The following GPR15 variants were observed in gnomAD, a reference collection of about 807,000 sequenced individuals.
GPR15 encodes the protein brother of Bonzo.
In GPR15, 16 loss-of-function variants were observed where a neutral mutation model predicts 19.3. The ratio of observed to expected loss-of-function variants is 0.83; its 90% confidence interval spans 0.56 to 1.26. The LOEUF (loss-of-function observed/expected upper bound fraction) is 1.26, where lower values mean the gene tolerates loss of function less well. GPR15 is among the 50% of genes most tolerant of loss of function. The pLI is 0.00. For missense variants in GPR15, 458 were observed against 429.4 expected, an observed-to-expected ratio of 1.07 and a Z score of -0.59; for synonymous variants, 170 against 171.2, an observed-to-expected ratio of 0.99 and a Z score of 0.05.
At position 98,533,039 on chromosome 3, in the gene GPR15, C is replaced by A; in HGVS notation, c.1006C>A (p.His336Asn). The change falls in exon 1 of 1, where the codon CAC becomes AAC. Residue 336 changes from histidine (H) to asparagine (N), a missense_variant. Transcript: ENST00000284311. ...GAGTAGCACTGAGACATCAGATAGT[C>A]ACCTCACTAAGGCTCTCTCCACCTT... The part of the protein sequence containing the change: ...FGSSTETSDS[H>N]LTKALSTFIH... 6.2e-7 allele frequency: 1 copy of A among 1,613,940 alleles called. No individual in the cohort carries two copies. The highest frequency in any genetic ancestry group is 2.2e-5 in the East Asian group (1 of 44,866).
rs777203651 is a variant in GPR15 at position 98,532,672 on chromosome 3, C to T, written c.639C>T (p.Thr213=). ...TFFVPLLSIV[T]CYCCIARKLC... ...TTGTCCCTTTGTTGAGCATTGTGAC[C>T]TGCTACTGTTGCATTGCAAGGAAGC... Residue 213 remains threonine, a synonymous_variant, in exon 1 of 1, where the codon ACC becomes ACT. Coordinates refer to ENST00000284311, the MANE Select transcript of GPR15 (RefSeq NM_005290.4). The T allele has an allele frequency of 2.1e-5, 34 of 1,614,054 alleles. No individual in the cohort carries two copies. The highest frequency in any genetic ancestry group is 2.9e-5 in the Non-Finnish European group (34 of 1,180,044).
Position 98,532,002 on chromosome 3 carries a change from A to G in GPR15, c.-32A>G, listed in dbSNP as rs1706638718. The G allele has an allele frequency of 9.6e-6, 15 of 1,566,584 alleles. No individual in the cohort carries two copies. In the East Asian group the frequency reaches 3.4e-4, roughly 35 times the overall value. On this transcript the variant is annotated 5_prime_UTR_variant, in exon 1 of 1. Transcript: ENST00000284311. ...TATACAAAAACATCATATGTAAGTA[A>G]ACTCACCAGATTTGGCATCTGCTCT...
Position 98,532,201 on chromosome 3 carries a change from AG to A in GPR15, c.169del (p.Ala57ArgfsTer11), listed in dbSNP as rs1415772858. ...TGCTGGGGAACCTTGTTCTCATGGG[AG>A]CGTTGCATTTCAAACCCGGCAGCCG... is the stretch of plus-strand genomic sequence containing the variant. ...GVLGNLVLMG[A>X]LHFKPGSRRL... On this transcript the variant is annotated frameshift_variant, in exon 1 of 1. Coordinates refer to ENST00000284311, the MANE Select transcript of GPR15 (RefSeq NM_005290.4). LOFTEE classifies it high-confidence loss of function. The A allele has an allele frequency of 2.5e-6, 4 of 1,614,020 alleles. No homozygotes were observed. Among genetic ancestry groups the A allele is most frequent in the Non-Finnish European group, 3.4e-6 (4 of 1,179,998 alleles).
Position 98,533,183 on chromosome 3 carries a change from G to A in GPR15, c.*67G>A, listed in dbSNP as rs1529047. 0.52 allele frequency: 767,455 copies of A among 1,480,844 alleles called. 203,243 individuals are homozygous for A. The highest frequency in any genetic ancestry group is 0.78 in the East Asian group (34,031 of 43,872). The allele number at this position is 1,480,844 out of a possible 1,614,324, so 91.7% of individuals were successfully genotyped here. ...GTTAATTTTTGTCAGCAACAAAGAA[G>A]GAAGTGTTAATGATAGGATTCACAT... is the stretch of plus-strand genomic sequence containing the variant. On this transcript the variant is annotated 3_prime_UTR_variant, in exon 1 of 1. Transcript: ENST00000284311.
chr3:98,532,851 A>G lies in GPR15; in HGVS notation c.818A>G (p.His273Arg). The G allele has an allele frequency of 6.2e-7, 1 of 1,613,966 alleles. No individual in the cohort carries two copies. Among genetic ancestry groups the G allele is most frequent in the Non-Finnish European group, 8.5e-7 (1 of 1,179,890 alleles). ...LAIVSGLRQE[H>R]YLPSAILQLG... ...ATTGTCTCTGGGTTGCGGCAAGAAC[A>G]CTATTTACCCTCAGCTATTCTTCAG... The change falls in exon 1 of 1, where the codon CAC (histidine) becomes CGC (arginine). Residue 273 changes from histidine to arginine, a missense_variant. Coordinates refer to ENST00000284311, the MANE Select transcript of GPR15 (RefSeq NM_005290.4).
At position 98,532,913 on chromosome 3, in the gene GPR15, A is replaced by AAC; in HGVS notation, c.882_883dup (p.Ser295ThrfsTer28). 6.2e-7 allele frequency: 1 copy of AAC among 1,614,110 alleles called. No individual in the cohort carries two copies. Among genetic ancestry groups the AAC allele is most frequent in the Non-Finnish European group, 8.5e-7 (1 of 1,180,010 alleles). On this transcript the variant is annotated frameshift_variant, in exon 1 of 1. Coordinates refer to ENST00000284311, the MANE Select transcript of GPR15 (RefSeq NM_005290.4). LOFTEE classifies it high-confidence loss of function. ...GGTGAGTGGACCCTTGGCATTTGCC[A>AAC]ACAGCTGTGTCAACCCTTTCATTTA...
In GPR15 at chr3:98,532,895, G is replaced by T; in HGVS notation, c.862G>T (p.Gly288Ter). Residue 288 changes from glycine to a stop codon, truncating the protein, a stop_gained, in exon 1 of 1, where the codon GGA becomes TGA. Coordinates refer to ENST00000284311, the MANE Select transcript of GPR15 (RefSeq NM_005290.4). LOFTEE classifies it high-confidence loss of function. Reference sequence around the variant, plus strand: ...TCTTCAGCTTGGTATGGAGGTGAGTGGACCCTTGGCATTTGCCAACAGCTG... The same window carrying T: ...TCTTCAGCTTGGTATGGAGGTGAGTTGACCCTTGGCATTTGCCAACAGCTG... ...AILQLGMEVS[G>*]PLAFANSCVN... 1 of 1,614,082 alleles carries T rather than the reference G, an allele frequency of 6.2e-7. No individual in the cohort carries two copies. Among genetic ancestry groups the T allele is most frequent in the Non-Finnish European group, 8.5e-7 (1 of 1,180,028 alleles).
In GPR15 at chr3:98,532,364, T is replaced by TACATG; in HGVS notation, c.333_337dup (p.Ile113ThrfsTer2). 2 of 1,614,216 alleles carry TACATG rather than the reference T, an allele frequency of 1.2e-6. No homozygotes were observed. The highest frequency in any genetic ancestry group is 1.7e-6 in the Non-Finnish European group (2 of 1,180,036). On this transcript the variant is annotated frameshift_variant, in exon 1 of 1. Transcript: ENST00000284311. LOFTEE classifies it high-confidence loss of function. ...CTCCTTCCTGTGCAAAGGGAGCTCC[T>TACATG]ACATGATCTCCGTCAATATGCACTG...
rs770421124 is a variant in GPR15 at position 98,534,406 on chromosome 3, C to T, written c.*1290C>T. ...AAACATCTTTTGATTCAAGGGAAAG[C>T]GGGTTATGTTTTTACCTCCACTGTT... is the stretch of plus-strand genomic sequence containing the variant. On this transcript the variant is annotated 3_prime_UTR_variant, in exon 1 of 1. Transcript: ENST00000284311. Among the ~76,000 whole-genome samples, 3 of 152,132 alleles carry T rather than the reference C, an allele frequency of 2.0e-5. No homozygotes were observed. Among genetic ancestry groups the T allele is most frequent in the Non-Finnish European group, 4.4e-5 (3 of 67,986 alleles).
chr3:98,533,224 A>AT lies in GPR15; in HGVS notation c.*108_*109insT. 2 of 1,220,492 alleles carry AT rather than the reference A, an allele frequency of 1.6e-6. No homozygotes were observed. Among genetic ancestry groups the AT allele is most frequent in the Non-Finnish European group, 2.2e-6 (2 of 890,272 alleles). The allele number at this position is 1,220,492 out of a possible 1,614,324, so 75.6% of individuals were successfully genotyped here. A position where few individuals can be genotyped will look rare whatever the true frequency, so the allele number is the denominator to read the frequency against. On this transcript the variant is annotated 3_prime_UTR_variant, in exon 1 of 1. Coordinates refer to ENST00000284311, the MANE Select transcript of GPR15 (RefSeq NM_005290.4). Reference sequence around the variant, plus strand: ...GGATTCACATTGCTTCATAGATGCAAGGAAGAGTTCATTTTTAAAGAGAGG... The same window carrying AT: ...GGATTCACATTGCTTCATAGATGCAATGGAAGAGTTCATTTTTAAAGAGAGG...
Position 98,533,167 on chromosome 3 carries a change from T to C in GPR15, c.*51T>C. The C allele has an allele frequency of 6.6e-7, 1 of 1,514,492 alleles. No individual in the cohort carries two copies. Among genetic ancestry groups the C allele is most frequent in the Non-Finnish European group, 8.8e-7 (1 of 1,137,776 alleles). The allele number at this position is 1,514,492 out of a possible 1,614,324, so 93.8% of individuals were successfully genotyped here. Reference sequence around the variant, plus strand: ...GTTGGTGGGTTTAGGAGTTAATTTTTGTCAGCAACAAAGAAGGAAGTGTTA... The same window carrying C: ...GTTGGTGGGTTTAGGAGTTAATTTTCGTCAGCAACAAAGAAGGAAGTGTTA... On this transcript the variant is annotated 3_prime_UTR_variant, in exon 1 of 1. Transcript: ENST00000284311.
chr3:98,532,926 AC>A lies in GPR15; in HGVS notation c.896del (p.Pro299LeufsTer23). The A allele has an allele frequency of 1.2e-6, 2 of 1,613,916 alleles. No individual in the cohort carries two copies. The highest frequency in any genetic ancestry group is 2.2e-5 in the South Asian group (2 of 91,066). ...GPLAFANSCV[N>X]PFIYYIFDSY... is the part of the protein sequence containing the mutation. ...TTGGCATTTGCCAACAGCTGTGTCA[AC>A]CCTTTCATTTACTATATCTTCGACA... On this transcript the variant is annotated frameshift_variant, in exon 1 of 1. Transcript: ENST00000284311. LOFTEE classifies it high-confidence loss of function.
chr3:98,533,778 T>C lies in GPR15; in HGVS notation c.*662T>C, dbSNP rs1342640330. ...ATGATTTGGGACTTACTTTATCATATGGTCTTCTAGTATTTTAATACATAA... is the reference window on the plus strand; with the variant it reads ...ATGATTTGGGACTTACTTTATCATACGGTCTTCTAGTATTTTAATACATAA... On this transcript the variant is annotated 3_prime_UTR_variant, in exon 1 of 1. Transcript: ENST00000284311. Among the ~76,000 whole-genome samples, 1 of 152,222 alleles carries C rather than the reference T, an allele frequency of 6.6e-6. No homozygotes were observed. The highest frequency in any genetic ancestry group is 1.5e-5 in the Non-Finnish European group (1 of 68,042).
In GPR15 at chr3:98,532,515, C is replaced by T; in HGVS notation, c.482C>T (p.Ser161Phe). Residue 161 changes from serine to phenylalanine, a missense_variant, in exon 1 of 1, where the codon TCC becomes TTC. Coordinates refer to ENST00000284311, the MANE Select transcript of GPR15 (RefSeq NM_005290.4). Reference sequence around the variant, plus strand: ...GTCTGTGCCAGCATCTGGTTTATCTCCTGCCTGCTGGGGTTGCCTACTCTT... The same window carrying T: ...GTCTGTGCCAGCATCTGGTTTATCTTCTGCCTGCTGGGGTTGCCTACTCTT... ...YVVCASIWFI[S>F]CLLGLPTLLS... The T allele has an allele frequency of 6.2e-7, 1 of 1,614,156 alleles. No homozygotes were observed.
rs1402699180 is a variant in GPR15 at position 98,532,199 on chromosome 3, G to C, written c.166G>C (p.Gly56Arg). 5.6e-6 allele frequency: 9 copies of C among 1,614,008 alleles called. No homozygotes were observed. The Admixed American group carries it at 1.5e-4, about 27-fold the overall frequency. Residue 56 changes from glycine (G) to arginine (R), a missense_variant, in exon 1 of 1, where the codon GGA becomes CGA. Transcript: ENST00000284311. ...AGTGCTGGGGAACCTTGTTCTCATGGGAGCGTTGCATTTCAAACCCGGCAG... is the reference window on the plus strand; with the variant it reads ...AGTGCTGGGGAACCTTGTTCTCATGCGAGCGTTGCATTTCAAACCCGGCAG... ...TGVLGNLVLM[G>R]ALHFKPGSRR...
Position 98,532,359 on chromosome 3 carries a change from G to A in GPR15, c.326G>A (p.Ser109Asn), listed in dbSNP as rs1706649765. The stretch of plus-strand genomic sequence containing the variant: ...ACGGGCTCCTTCCTGTGCAAAGGGA[G>A]CTCCTACATGATCTCCGTCAATATG... Reference protein sequence around the residue: ...WRTGSFLCKGSSYMISVNMHC... With the variant: ...WRTGSFLCKGNSYMISVNMHC... Residue 109 changes from serine to asparagine, a missense_variant, in exon 1 of 1, where the codon AGC (serine) becomes AAC (asparagine). Ser to Asn is a conservative substitution (Grantham distance 46). Transcript: ENST00000284311. 6.2e-7 allele frequency: 1 copy of A among 1,614,050 alleles called. No individual in the cohort carries two copies. The highest frequency in any genetic ancestry group is 1.3e-5 in the African/African-American group (1 of 74,914).
At position 98,532,704 on chromosome 3, in the gene GPR15, C is replaced by T; in HGVS notation, c.671C>T (p.Ala224Val). 3 of 1,614,000 alleles carry T rather than the reference C, an allele frequency of 1.9e-6. No homozygotes were observed. The highest frequency in any genetic ancestry group is 2.2e-5 in the South Asian group (2 of 91,070). Residue 224 changes from alanine (A) to valine (V), a missense_variant, in exon 1 of 1, where the codon GCC becomes GTC. Coordinates refer to ENST00000284311, the MANE Select transcript of GPR15 (RefSeq NM_005290.4). ...CYCCIARKLC[A>V]HYQQSGKHNK... The stretch of plus-strand genomic sequence containing the variant: ...TGTTGCATTGCAAGGAAGCTGTGTG[C>T]CCATTACCAGCAATCAGGAAAGCAC...
rs1271353002 is a variant in GPR15 at position 98,534,292 on chromosome 3, T to G, written c.*1176T>G. Among the ~76,000 whole-genome samples the G allele has an allele frequency of 2.6e-5, 4 of 152,202 alleles. No homozygotes were observed. The highest frequency in any genetic ancestry group is 9.6e-5 in the African/African-American group (4 of 41,454). The stretch of plus-strand genomic sequence containing the variant: ...AATAAATATTTATTGAGTCAATTTG[T>G]ACCTATATTCCTTTTGAAGACTTTG... On this transcript the variant is annotated 3_prime_UTR_variant, in exon 1 of 1. Coordinates refer to ENST00000284311, the MANE Select transcript of GPR15 (RefSeq NM_005290.4).
Position 98,532,324 on chromosome 3 carries a change from A to G in GPR15, c.291A>G (p.Gly97=). The part of the protein sequence containing the change: ...PLWVDKEASL[G]LWRTGSFLCK... ...GGGTGGATAAAGAAGCATCTCTAGG[A>G]CTGTGGAGGACGGGCTCCTTCCTGT... The change falls in exon 1 of 1, where the codon GGA becomes GGG. Residue 97 remains glycine (G), a synonymous_variant. Transcript: ENST00000284311. 1.2e-6 allele frequency: 2 copies of G among 1,614,096 alleles called. No individual in the cohort carries two copies. The highest frequency in any genetic ancestry group is 1.7e-6 in the Non-Finnish European group (2 of 1,179,992).
Sources: allele counts gnomAD v4.1 joint callset (sites outside exome capture counted in the v4.1 genomes callset), GRCh38; gene constraint gnomAD v4.1.1; transcripts MANE v1.5; gene names NCBI Gene and HGNC (gene_info 2026-07-23, HGNC 2026-07-21).